Variants in OR4D2 observed in about 807,000 individuals in gnomAD.
OR4D2 encodes olfactory receptor family 4 subfamily D member 2.
OR4D2 carries 9 observed loss-of-function variants against 12.4 expected under a neutral mutation model. That is an observed-to-expected ratio of 0.73 (90% CI 0.44 to 1.27). OR4D2 has a LOEUF of 1.27. OR4D2 is among the 50% of genes most tolerant of loss of function. OR4D2 has a pLI of 0.00. For synonymous variants in OR4D2, 151 were observed against 151.1 expected, an observed-to-expected ratio of 1.00 and a Z score of 0.01; for missense variants, 373 against 381.6, an observed-to-expected ratio of 0.98 and a Z score of 0.19.
At chr17:58,168,422 G>A (rs192442018) in intron 1 of OR4D2, among the ~76,000 whole-genome samples, 35 of 152,066 alleles carry the variant, frequency 2.3e-4, no homozygotes, top group African/African-American at 8.2e-4. Context: ...TGGCCAGGCT[G>A]GTCTCAAACT....
Position 58,169,805 on chromosome 17 carries a change from C to A in OR4D2, c.150C>A (p.Thr50=). 1 of 1,614,144 alleles carries A rather than the reference C, an allele frequency of 6.2e-7. No individual in the cohort carries two copies. Among genetic ancestry groups the A allele is most frequent in the Non-Finnish European group, 8.5e-7 (1 of 1,180,014 alleles). ...MGNILIIITV[T]SDSQLHTPMY... ...ACATCCTTATCATCATCACAGTGAC[C>A]TCTGATTCCCAGCTCCACACACCCA... The change falls in exon 2 of 2, where the codon ACC becomes ACA. Residue 50 remains threonine (T), a synonymous_variant. Coordinates refer to ENST00000545221, the MANE Select transcript of OR4D2 (RefSeq NM_001004707.4).
intron 1 of OR4D2, chr17:58,169,325 C>G: frequency 3.1e-6 from 1 of 324,288 alleles, no homozygotes. Flanking sequence ...AAGTAAGTTA[C>G]TCATGGTCAA....
chr17:58,168,782 T>C (rs1463425440), intron 1 of OR4D2, among the ~76,000 whole-genome samples: 1 of 152,164 alleles, frequency 6.6e-6, no homozygotes, highest in Non-Finnish European at 1.5e-5. Flanking sequence ...TTCTCCCTCT[T>C]GTCTCAGCAC....
intron 1 of OR4D2, among the ~76,000 whole-genome samples, chr17:58,168,125 AAG>A (rs1350872276): frequency 6.6e-6 from 1 of 150,736 alleles, no homozygotes; most frequent in African/African-American, 2.4e-5. Flanking sequence ...AAGAGAGGGT[AAG>A]AGAGATTGAG....
intron 1 of OR4D2, among the ~76,000 whole-genome samples, chr17:58,167,629 G>C (rs1163160030): frequency 1.3e-5 from 2 of 152,128 alleles, no homozygotes; most frequent in African/African-American, 2.4e-5. Context: ...GAGAGTTTGA[G>C]TTTTAAGCTG....
In OR4D2 at chr17:58,170,806, C is replaced by G. The variant is rs1192832386; in HGVS notation, c.*227C>G. ...CACTCGCAACAATGAGAATTGTTCA[C>G]ATGGCCCCTGAAAACCACACCTTCC... is the stretch of plus-strand genomic sequence containing the variant. On this transcript the variant is annotated 3_prime_UTR_variant, in exon 2 of 2. Coordinates refer to ENST00000545221, the MANE Select transcript of OR4D2 (RefSeq NM_001004707.4). 1 of 543,964 alleles carries G rather than the reference C, an allele frequency of 1.8e-6. No homozygotes were observed. Among genetic ancestry groups the G allele is most frequent in the Non-Finnish European group, 3.3e-6 (1 of 305,066 alleles). The allele number at this position is 543,964 out of a possible 1,614,324, so 33.7% of individuals were successfully genotyped here.
At position 58,170,477 on chromosome 17, in the gene OR4D2, CCA is replaced by C. The variant is rs745910509; in HGVS notation, c.827_828del (p.Thr276SerfsTer61). ...CTATGGACAAGCTTGTGTCCATCGG[CCA>C]CACAGTCATGACCCCCATGCTCAAC... ...FPMDKLVSIG[H>X]TVMTPMLNPM... is the part of the protein sequence containing the mutation. On this transcript the variant is annotated frameshift_variant, in exon 2 of 2. Transcript: ENST00000545221. LOFTEE classifies it high-confidence loss of function. The C allele has an allele frequency of 6.2e-6, 10 of 1,613,844 alleles. No homozygotes were observed. The East Asian group carries it at 1.8e-4, about 29-fold the overall frequency.
rs371434315 is a variant in OR4D2, at chr17:58,169,638, G to T, written c.-18G>T. The T allele has an allele frequency of 1.3e-5, 21 of 1,595,490 alleles. No individual in the cohort carries two copies. The Admixed American group carries it at 3.3e-4, about 25-fold the overall frequency. ...TGTGTCTGTGGTTCATTTTCTTCAG[G>T]TGTATGGAGAAAACACCATGGAAAC... is the stretch of plus-strand genomic sequence containing the variant. On this transcript the variant is annotated splice_region_variant and 5_prime_UTR_variant, in exon 2 of 2. Coordinates refer to ENST00000545221, the MANE Select transcript of OR4D2 (RefSeq NM_001004707.4).
rs144435075 is a variant in OR4D2, at chr17:58,167,445, C to T, written c.-19+392C>T. 7.6e-4 allele frequency among the ~76,000 whole-genome samples: 115 copies of T among 152,232 alleles called. 1 individual carries two copies. The highest frequency in any genetic ancestry group is 2.5e-3 in the African/African-American group (102 of 41,530). ...ATGAAATATACTGCCTACATGGAAG[C>T]TATGAGTTCTTTGAACAGCAATCAG... On this transcript the variant is annotated intron_variant, in intron 1 of 1. Coordinates refer to ENST00000545221, the MANE Select transcript of OR4D2 (RefSeq NM_001004707.4).
chr17:58,168,538 T>C (rs1354899617), intron 1 of OR4D2, among the ~76,000 whole-genome samples: 1 of 152,112 alleles, frequency 6.6e-6, no homozygotes, highest in Non-Finnish European at 1.5e-5. Flanking sequence ...TTTAGTCCCG[T>C]TTTCTCCACC....
In OR4D2 at chr17:58,170,864, A is replaced by G. The variant is rs1967957789; in HGVS notation, c.*285A>G. ...CTTCTTGGTGGACAGTTTCCTGTTG[A>G]CAGCATTTCCCCTGTGCGAACATTT... On this transcript the variant is annotated 3_prime_UTR_variant, in exon 2 of 2. Coordinates refer to ENST00000545221, the MANE Select transcript of OR4D2 (RefSeq NM_001004707.4). 6.9e-6 allele frequency: 3 copies of G among 437,856 alleles called. No homozygotes were observed. The highest frequency in any genetic ancestry group is 1.3e-5 in the Non-Finnish European group (3 of 238,776). The allele number at this position is 437,856 out of a possible 1,614,324, so 27.1% of individuals were successfully genotyped here. A position where few individuals can be genotyped will look rare whatever the true frequency, so the allele number is the denominator to read the frequency against.
intron 1 of OR4D2, among the ~76,000 whole-genome samples, chr17:58,168,750 A>G (rs145829344): frequency 2.0e-5 from 3 of 152,160 alleles, no homozygotes; most frequent in African/African-American, 4.8e-5. Flanking sequence ...CTATTTCTCA[A>G]TCCAATGACT....
intron 1 of OR4D2, among the ~76,000 whole-genome samples, chr17:58,167,999 C>CAAAAAAAAAAA (rs1165311786): frequency 2.6e-5 from 1 of 39,206 alleles, no homozygotes; most frequent in African/African-American, 7.8e-5. Context: ...GACTCCGTCA[C>CAAAAAAAAAAA]AAAAAAAAAA....
rs73323532 is a variant in OR4D2 at position 58,169,717 on chromosome 17, G to A, written c.62G>A (p.Arg21Gln). ...GTCTTCCTGGGGCTCTCGCAGACTC[G>A]GGAGCTCCAGCGTTTCCTGTTTCTA... is the stretch of plus-strand genomic sequence containing the variant. Reference protein sequence around the residue: ...DFVFLGLSQTRELQRFLFLMF... With the variant: ...DFVFLGLSQTQELQRFLFLMF... The change falls in exon 2 of 2, where the codon CGG (arginine) becomes CAG (glutamine). Residue 21 changes from arginine (R) to glutamine (Q), a missense_variant. Arg to Gln is a conservative substitution (Grantham distance 43). Transcript: ENST00000545221. 2,070 of 1,614,026 alleles carry A rather than the reference G, an allele frequency of 1.3e-3. 19 individuals are homozygous for A. In the African/African-American group the frequency reaches 0.024, roughly 18 times the overall value.
chr17:58,169,743 A>G lies in OR4D2; in HGVS notation c.88A>G (p.Met30Val). The change falls in exon 2 of 2, where the codon ATG becomes GTG. Residue 30 changes from methionine to valine, a missense_variant. Met to Val is a conservative substitution (Grantham distance 21). Coordinates refer to ENST00000545221, the MANE Select transcript of OR4D2 (RefSeq NM_001004707.4). ...TRELQRFLFL[M>V]FLFVYITTVM... ...GGAGCTCCAGCGTTTCCTGTTTCTAATGTTCCTGTTTGTCTACATCACCAC... is the reference window on the plus strand; with the variant it reads ...GGAGCTCCAGCGTTTCCTGTTTCTAGTGTTCCTGTTTGTCTACATCACCAC... The G allele has an allele frequency of 1.2e-6, 2 of 1,614,010 alleles. No homozygotes were observed. Among genetic ancestry groups the G allele is most frequent in the South Asian group, 2.2e-5 (2 of 91,070 alleles).
Position 58,170,095 on chromosome 17 carries a change from C to A in OR4D2, c.440C>A (p.Ala147Asp). 5.0e-6 allele frequency: 8 copies of A among 1,614,082 alleles called. No homozygotes were observed. The highest frequency in any genetic ancestry group is 6.8e-6 in the Non-Finnish European group (8 of 1,180,016). ...NTQLWVGLVV[A>D]TWVGGFVHSI... Reference sequence around the variant, plus strand: ...CAGCTCTGGGTGGGGCTGGTGGTAGCCACCTGGGTGGGAGGCTTTGTCCAC... The same window carrying A: ...CAGCTCTGGGTGGGGCTGGTGGTAGACACCTGGGTGGGAGGCTTTGTCCAC... The change falls in exon 2 of 2, where the codon GCC becomes GAC. Residue 147 changes from alanine to aspartate, a missense_variant. Ala to Asp is a moderately radical substitution (Grantham distance 126). Coordinates refer to ENST00000545221, the MANE Select transcript of OR4D2 (RefSeq NM_001004707.4).
chr17:58,170,592 T>C lies in OR4D2; in HGVS notation c.*13T>C. On this transcript the variant is annotated 3_prime_UTR_variant, in exon 2 of 2. Transcript: ENST00000545221. ...CCGGCTGGTTTGAGAGTGACAATGG[T>C]AGGTTTCTTCTCTTTGGCTTTGTTT... The C allele has an allele frequency of 1.2e-6, 2 of 1,604,028 alleles. No individual in the cohort carries two copies. The highest frequency in any genetic ancestry group is 1.7e-6 in the Non-Finnish European group (2 of 1,170,826).
intron 1 of OR4D2, among the ~76,000 whole-genome samples, chr17:58,167,627 G>T (rs536915829): frequency 6.6e-6 from 1 of 152,254 alleles, no homozygotes; most frequent in East Asian, 1.9e-4. Context: ...CTGAGAGTTT[G>T]AGTTTTAAGC....
intron 1 of OR4D2, among the ~76,000 whole-genome samples, chr17:58,168,488 G>T (rs571260399): frequency 5.1e-4 from 77 of 152,188 alleles, no homozygotes; most frequent in African/African-American, 1.7e-3. Flanking sequence ...GACTACAGGC[G>T]TGAGCCACCT....
Sources: allele counts gnomAD v4.1 joint callset (sites outside exome capture counted in the v4.1 genomes callset), GRCh38; gene constraint gnomAD v4.1.1; transcripts MANE v1.5; gene names NCBI Gene and HGNC (gene_info 2026-07-23, HGNC 2026-07-21).